The following LDLRAD4 variants were observed in gnomAD, a reference collection of about 807,000 sequenced individuals.
LDLRAD4 encodes low-density lipoprotein receptor class A domain-containing protein 4.
A neutral mutation model predicts 17.0 loss-of-function variants in LDLRAD4; 5 were observed. The observed-to-expected ratio is 0.29, with a 90% CI of 0.15 to 0.62. The LOEUF (loss-of-function observed/expected upper bound fraction) is 0.62. Among genes scored for constraint, LDLRAD4 ranks in the 20% least tolerant of loss-of-function variants. The pLI is 0.84. For synonymous variants in LDLRAD4, 168 were observed against 171.8 expected (o/e 0.98, Z 0.17); for missense variants, 340 against 424.7 (o/e 0.80, Z 1.75).
chr18:13,236,828 G>T (rs1333892285), intron 1 of LDLRAD4, among the ~76,000 whole-genome samples: 1 of 152,130 alleles, frequency 6.6e-6, no homozygotes, highest in Non-Finnish European at 1.5e-5. Context: ...CTTCCTCTGA[G>T]GTTACGTTTT....
intron 1 of LDLRAD4, among the ~76,000 whole-genome samples, chr18:13,246,072 A>G (rs1405736235): frequency 5.9e-5 from 9 of 152,260 alleles, no homozygotes; most frequent in Admixed American, 5.2e-4. Flanking sequence ...AATGGATTCA[A>G]TGTGTGAACA....
chr18:13,571,423 G>A (rs560547824), intron 3 of LDLRAD4, among the ~76,000 whole-genome samples: 150 of 152,164 alleles, frequency 9.9e-4, no homozygotes, highest in African/African-American at 3.4e-3. Flanking sequence ...ACAGCCCCTG[G>A]ATATTACTAA....
intron 1 of LDLRAD4, among the ~76,000 whole-genome samples, chr18:13,317,047 G>C (rs768766352): frequency 1.3e-5 from 2 of 152,174 alleles, no homozygotes; most frequent in East Asian, 1.9e-4. Context: ...AAGGAATCCA[G>C]AAGGCACGAT....
chr18:13,452,109 T>C (rs888762206), intron 3 of LDLRAD4, among the ~76,000 whole-genome samples: 18 of 152,160 alleles, frequency 1.2e-4, no homozygotes, highest in Admixed American at 1.3e-4. Context: ...GAGTAGGGAC[T>C]GGGCCTAGCT....
intron 3 of LDLRAD4, among the ~76,000 whole-genome samples, chr18:13,529,153 G>C (rs560258236): frequency 2.0e-4 from 31 of 152,222 alleles, no homozygotes; most frequent in African/African-American, 7.0e-4. Flanking sequence ...GTCTGATTCT[G>C]GCTCTGAGCA....
chr18:13,426,736 T>C (rs774248560), intron 2 of LDLRAD4, among the ~76,000 whole-genome samples: 24 of 152,228 alleles, frequency 1.6e-4, no homozygotes, highest in Non-Finnish European at 2.5e-4. Context: ...CTTCCTTGTT[T>C]GGGGCCTGGG....
At chr18:13,219,069 CTT>C (rs5823242) in intron 1 of LDLRAD4, 81 bp downstream of exon 1, 183 of 137,166 alleles carry the variant, frequency 1.3e-3, no homozygotes, top group African/African-American at 2.6e-3. Context: ...CTTGTTTAAA[CTT>C]TTTTTTTTTT....
intron 3 of LDLRAD4, among the ~76,000 whole-genome samples, chr18:13,457,411 A>G (rs901225386): frequency 3.9e-5 from 6 of 152,022 alleles, no homozygotes; most frequent in African/African-American, 1.2e-4. Context: ...AGCTCCCTGA[A>G]CCCTGTCCTC....
chr18:13,228,463 T>C (rs2041917358), intron 1 of LDLRAD4, among the ~76,000 whole-genome samples: 1 of 152,194 alleles, frequency 6.6e-6, no homozygotes, highest in Non-Finnish European at 1.5e-5. Flanking sequence ...TGATTTGACC[T>C]TGCTGTTTGG....
intron 2 of LDLRAD4, 148 bp downstream of exon 3, chr18:13,387,910 C>A: frequency 1.5e-6 from 1 of 666,548 alleles, no homozygotes; most frequent in South Asian, 1.7e-5. Context: ...GTGACTGATT[C>A]TGACAAAATA....
chr18:13,309,019 T>G (rs971110121), intron 1 of LDLRAD4, among the ~76,000 whole-genome samples: 4 of 152,252 alleles, frequency 2.6e-5, no homozygotes, highest in Admixed American at 2.0e-4. Flanking sequence ...TGACTTTATT[T>G]AAAATAGTAA....
chr18:13,499,666 G>A (rs939792365), intron 3 of LDLRAD4, among the ~76,000 whole-genome samples: 5 of 132,788 alleles, frequency 3.8e-5, no homozygotes, highest in South Asian at 2.5e-4. Flanking sequence ...AATCCTTCTC[G>A]CCGCACACGT....
intron 3 of LDLRAD4, among the ~76,000 whole-genome samples, chr18:13,541,869 C>G (rs1419579058): frequency 6.6e-6 from 1 of 152,130 alleles, no homozygotes; most frequent in South Asian, 2.1e-4. Flanking sequence ...GCCAGAAGTT[C>G]GAGACCAGCC....
chr18:13,564,500 A>G (rs2094573800), intron 3 of LDLRAD4, among the ~76,000 whole-genome samples: 1 of 148,966 alleles, frequency 6.7e-6, no homozygotes, highest in South Asian at 2.1e-4. Context: ...TGCTCTGAGA[A>G]CCTTTCCTCG....
At chr18:13,332,857 A>G (rs1048026630) in intron 1 of LDLRAD4, among the ~76,000 whole-genome samples, 43 of 152,226 alleles carry the variant, frequency 2.8e-4, no homozygotes, top group African/African-American at 1.0e-3. Flanking sequence ...GCAAATATGA[A>G]TAAAGCTGCT....
chr18:13,649,477 AGATACT>A (rs1415208352), exon 6 of LDLRAD4: 1 of 152,252 alleles, frequency 6.6e-6, no homozygotes, highest in African/African-American at 2.4e-5. Context: ...TCCTCAGGCC[AGATACT>A]GATTGCTAGT....
intron 2 of LDLRAD4, among the ~76,000 whole-genome samples, chr18:13,423,265 G>A (rs532436176): frequency 1.3e-5 from 2 of 152,204 alleles, no homozygotes; most frequent in East Asian, 1.9e-4. Flanking sequence ...GGCTGAGGAG[G>A]GCAGATCACC....
chr18:13,261,644 A>G (rs2043820562), intron 1 of LDLRAD4, among the ~76,000 whole-genome samples: 1 of 152,008 alleles, frequency 6.6e-6, no homozygotes. Flanking sequence ...TGCGGTTAGA[A>G]ACGTAGAGGT....
In LDLRAD4 at chr18:13,249,755, T is replaced by C. The variant is rs141191885; in HGVS notation, c.-466-28350T>C. Among the ~76,000 whole-genome samples, 19 of 152,348 alleles carry C rather than the reference T, an allele frequency of 1.2e-4. 1 individual carries two copies. In the East Asian group the frequency reaches 3.7e-3, roughly 29 times the overall value. On this transcript the variant is annotated intron_variant, in intron 1 of 5. Transcript: ENST00000399848. The stretch of plus-strand genomic sequence containing the variant: ...CTGTGCAGAAGCTTTTAGGTCGATA[T>C]AATCCCATTTGATTATTTTTGCTTT...
Sources: gnomAD v4.1 joint callset for allele counts (sites outside exome capture counted in the v4.1 genomes callset) on GRCh38, gnomAD v4.1.1 for gene constraint, MANE v1.5 for transcripts, NCBI Gene and HGNC (gene_info 2026-07-23, HGNC 2026-07-21) for gene names.